The following RBFOX1 variants were observed in gnomAD, a reference collection of about 807,000 sequenced individuals.
RBFOX1 encodes RNA binding fox-1 homolog 1, also known as RNA binding protein fox-1 homolog 1.
In RBFOX1, 8 loss-of-function variants were observed where a neutral mutation model predicts 57.7. The ratio of observed to expected loss-of-function variants is 0.14; its 90% CI spans 0.08 to 0.25. The LOEUF is 0.25. Ranked by LOEUF, RBFOX1 falls within the 10% of genes least tolerant of loss-of-function variation. The pLI, the probability that RBFOX1 is intolerant of heterozygous loss-of-function variation, is 1.00. For synonymous variants in RBFOX1, 326 were observed against 222.4 expected (o/e 1.47, Z -4.15); for missense variants, 611 against 548.5 (o/e 1.11, Z -1.14).
chr16:6,114,730 T>G (rs2096481598), intron 1 of RBFOX1, among the ~76,000 whole-genome samples: 1 of 152,144 alleles, frequency 6.6e-6, no homozygotes, highest in African/African-American at 2.4e-5. Context: ...TAATGGCTAG[T>G]GATGCAGGAC....
intron 3 of RBFOX1, among the ~76,000 whole-genome samples, chr16:6,977,182 T>G (rs1172714349): frequency 1.4e-5 from 2 of 147,218 alleles, no homozygotes; most frequent in African/African-American, 5.0e-5. Context: ...ATATAGATCA[T>G]ATATATCACA....
At chr16:7,380,994 A>C (rs1424394632) in intron 4 of RBFOX1, among the ~76,000 whole-genome samples, 2 of 152,220 alleles carry the variant, frequency 1.3e-5, no homozygotes, top group African/African-American at 2.4e-5. Flanking sequence ...GGTCTATCCT[A>C]GTGTTCTGTC....
At chr16:6,047,786 A>G (rs544775153) in intron 1 of RBFOX1, among the ~76,000 whole-genome samples, 2 of 152,292 alleles carry the variant, frequency 1.3e-5, no homozygotes, top group African/African-American at 4.8e-5. Flanking sequence ...TCACTCATTG[A>G]CTAATTCCAC....
At position 5,278,062 on chromosome 16, in the gene RBFOX1, T is replaced by A. The variant is rs570404123; in HGVS notation, c.219+37957T>A. 5.3e-5 allele frequency among the ~76,000 whole-genome samples: 8 copies of A among 152,268 alleles called. No individual in the cohort carries two copies. In the South Asian group the frequency reaches 1.5e-3, roughly 28 times the overall value. ...GATCATATGGTAGATCTGTTCTTAG[T>A]TTTTTGAGAAATCTCTGTGCTTTTT... On this transcript the variant is annotated intron_variant, in intron 1 of 2. Coordinates refer to the RBFOX1 transcript ENST00000585867.
chr16:5,762,498 T>G (rs993925445), intron 3 of RBFOX1, among the ~76,000 whole-genome samples: 9 of 152,208 alleles, frequency 5.9e-5, no homozygotes, highest in Non-Finnish European at 8.8e-5. Context: ...ACTAATATGC[T>G]CGTTTCAAAA....
chr16:6,440,555 A>G (rs2153025236), intron 2 of RBFOX1, among the ~76,000 whole-genome samples: 1 of 152,204 alleles, frequency 6.6e-6, no homozygotes, highest in South Asian at 2.1e-4. Context: ...TAATCCCAGC[A>G]ATCTGGGAGG....
At chr16:5,307,303 T>G (rs2063963574) in intron 1 of RBFOX1, among the ~76,000 whole-genome samples, 1 of 152,140 alleles carries the variant, frequency 6.6e-6, no homozygotes. Context: ...AAACCTGGTT[T>G]TACTTCTCTT....
chr16:7,191,810 C>T (rs1006748467), intron 4 of RBFOX1, among the ~76,000 whole-genome samples: 4 of 152,182 alleles, frequency 2.6e-5, no homozygotes, highest in Non-Finnish European at 1.5e-5. Context: ...GTAAGCATAG[C>T]CTTCTAACCA....
At chr16:7,142,637 A>G (rs764579531) in intron 4 of RBFOX1, among the ~76,000 whole-genome samples, 1 of 152,140 alleles carries the variant, frequency 6.6e-6, no homozygotes, top group African/African-American at 2.4e-5. Flanking sequence ...CAATCAGAGC[A>G]TTTTGATTGA....
chr16:7,624,092 T>C (rs1215000333), intron 10 of RBFOX1, among the ~76,000 whole-genome samples: 1 of 152,180 alleles, frequency 6.6e-6, no homozygotes, highest in Non-Finnish European at 1.5e-5. Context: ...AGGTTTTTGG[T>C]AAAGGACTTA....
chr16:7,703,641 C>T (rs1355078500), intron 14 of RBFOX1, among the ~76,000 whole-genome samples: 5 of 152,196 alleles, frequency 3.3e-5, no homozygotes, highest in Admixed American at 6.5e-5. Flanking sequence ...ATCTCATTAG[C>T]ATCCAGCTTG....
chr16:5,528,832 T>C (rs2044348803), intron 2 of RBFOX1, among the ~76,000 whole-genome samples: 1 of 152,100 alleles, frequency 6.6e-6, no homozygotes, highest in African/African-American at 2.4e-5. Context: ...GTATTTTTAG[T>C]AAAGGTGAGG....
At chr16:6,672,561 AGAAAG>A (rs899611359) in intron 3 of RBFOX1, among the ~76,000 whole-genome samples, 1 of 151,206 alleles carries the variant, frequency 6.6e-6, no homozygotes, top group Non-Finnish European at 1.5e-5. Context: ...AGAAAAGAAA[AGAAAG>A]AGAAGAAATT....
intron 4 of RBFOX1, among the ~76,000 whole-genome samples, chr16:7,402,971 T>TG (rs1462335746): frequency 6.6e-5 from 10 of 152,154 alleles, no homozygotes; most frequent in Non-Finnish European, 1.3e-4. Context: ...CAGTTTCTCC[T>TG]CCAATCTGAT....
chr16:5,295,309 T>C (rs1330062453), intron 1 of RBFOX1, among the ~76,000 whole-genome samples: 1 of 152,144 alleles, frequency 6.6e-6, no homozygotes, highest in Admixed American at 6.5e-5. Context: ...CCCTCAGTAA[T>C]GTACATGATG....
chr16:6,438,575 C>T (rs564217461), intron 2 of RBFOX1, among the ~76,000 whole-genome samples: 6 of 152,246 alleles, frequency 3.9e-5, no homozygotes, highest in Admixed American at 6.5e-5. Context: ...TAAGTTACCC[C>T]GGGATTTATC....
chr16:6,312,653 T>TTTCCTTCC lies in RBFOX1; in HGVS notation c.-126-4288_-126-4281dup, dbSNP rs71145211. On this transcript the variant is annotated intron_variant, in intron 1 of 15. Transcript: ENST00000550418. ...GGATGACTAAGCCGATAGTTCCTTCTTTCCTTCCTTCCTTCCTTCCTTCCT... is the reference window on the plus strand; with the variant it reads ...GGATGACTAAGCCGATAGTTCCTTCTTTCCTTCCTTCCTTCCTTCCTTCCTTCCTTCCT... Among the ~76,000 whole-genome samples, 173 of 126,556 alleles carry TTTCCTTCC rather than the reference T, an allele frequency of 1.4e-3. 1 individual carries two copies. The highest frequency in any genetic ancestry group is 4.2e-3 in the East Asian group (17 of 4,028). The allele number at this position is 126,556 out of a possible 152,430, so 83.0% of individuals were successfully genotyped here. A position where few individuals can be genotyped will look rare whatever the true frequency, so the allele number is the denominator to read the frequency against.
intron 4 of RBFOX1, among the ~76,000 whole-genome samples, chr16:7,416,105 C>G (rs573736426): frequency 3.3e-5 from 5 of 152,138 alleles, no homozygotes; most frequent in African/African-American, 1.2e-4. Context: ...CAATCTGAAA[C>G]GATTGCTCCC....
chr16:6,118,289 C>G lies in RBFOX1; in HGVS notation c.-127+98297C>G, dbSNP rs771951072. Among the ~76,000 whole-genome samples the G allele has an allele frequency of 4.4e-4, 67 of 152,234 alleles. 1 individual carries two copies. Among genetic ancestry groups the G allele is most frequent in the Non-Finnish European group, 1.3e-4 (9 of 67,998 alleles). ...TTTTAGTTGCCATATCACCTTATGT[C>G]TCAGTCCACTCAGGCTCCTATTATG... On this transcript the variant is annotated intron_variant, in intron 1 of 15. Coordinates refer to ENST00000550418, the MANE Select transcript of RBFOX1 (RefSeq NM_018723.4).
Sources: gnomAD v4.1 joint callset for allele counts (sites outside exome capture counted in the v4.1 genomes callset) on GRCh38, gnomAD v4.1.1 for gene constraint, MANE v1.5 for transcripts, NCBI Gene and HGNC (gene_info 2026-07-23, HGNC 2026-07-21) for gene names.